ADRA1B: variants seen among roughly 807,000 people sequenced by gnomAD.
The protein encoded by ADRA1B is adrenoceptor alpha 1B.
A neutral mutation model predicts 17.9 loss-of-function variants in ADRA1B; 17 were observed. That is an observed-to-expected ratio of 0.95 (90% CI 0.65 to 1.42). The LOEUF is 1.42. Ranked by LOEUF, ADRA1B falls within the 40% of genes most tolerant of loss-of-function variation. The probability of loss-of-function intolerance (pLI) is 0.00; values close to 1 mark genes in which losing one functional copy is unlikely to be tolerated. For synonymous variants in ADRA1B, 366 were observed against 327.6 expected (o/e 1.12, Z -1.27); for missense variants, 681 against 722.1 (o/e 0.94, Z 0.65).
chr5:159,924,725 T>C (rs940552269), intron 1 of ADRA1B, among the ~76,000 whole-genome samples: 3 of 152,028 alleles, frequency 2.0e-5, no homozygotes, highest in Non-Finnish European at 4.4e-5. Flanking sequence ...TATTAAGATA[T>C]GTTATGCAGG....
intron 1 of ADRA1B, among the ~76,000 whole-genome samples, chr5:159,925,032 G>A (rs1447242730): frequency 2.6e-5 from 4 of 152,204 alleles, no homozygotes; most frequent in African/African-American, 9.7e-5. Context: ...TGAGGAAACA[G>A]AAGCTCAGAG....
At chr5:159,881,769 T>C (rs1753865416) in intron 1 of ADRA1B, among the ~76,000 whole-genome samples, 1 of 152,104 alleles carries the variant, frequency 6.6e-6, no homozygotes, top group Admixed American at 6.6e-5. Flanking sequence ...ATATTATAAA[T>C]AGATCTGAGA....
At chr5:159,964,739 G>C (rs1326129042) in intron 1 of ADRA1B, among the ~76,000 whole-genome samples, 6 of 152,198 alleles carry the variant, frequency 3.9e-5, no homozygotes, top group African/African-American at 7.2e-5. Flanking sequence ...GTATTGGAAA[G>C]AGCAGTAGGG....
At chr5:159,931,289 G>C (rs1754795578) in intron 1 of ADRA1B, among the ~76,000 whole-genome samples, 1 of 151,644 alleles carries the variant, frequency 6.6e-6, no homozygotes, top group East Asian at 1.9e-4. Flanking sequence ...AGCTACTAGG[G>C]AGGCTGAGTG....
chr5:159,972,893 C>T lies in ADRA1B; in HGVS notation c.*401C>T, dbSNP rs1391864325. Among the ~76,000 whole-genome samples the T allele has an allele frequency of 6.6e-6, 1 of 152,218 alleles. No homozygotes were observed. The highest frequency in any genetic ancestry group is 2.4e-5 in the African/African-American group (1 of 41,464). On this transcript the variant is annotated 3_prime_UTR_variant, in exon 2 of 2. Transcript: ENST00000306675. ...CGGCGACTGTGCGCCCAGGAGGCAA[C>T]CGGGGGCGTTGTGTGTGTCGTGACT...
Position 159,932,218 on chromosome 5 carries a change from A to G in ADRA1B, c.949+14364A>G, listed in dbSNP as rs535455528. Among the ~76,000 whole-genome samples, 14 of 152,184 alleles carry G rather than the reference A, an allele frequency of 9.2e-5. No homozygotes were observed. The South Asian group carries it at 2.7e-3, about 29-fold the overall frequency. On this transcript the variant is annotated intron_variant, in intron 1 of 1. Coordinates refer to ENST00000306675, the MANE Select transcript of ADRA1B (RefSeq NM_000679.4). ...ACCCAGGCTGGAGTGCAGTGGCACA[A>G]TCATAGCTCACTGCAGTCTTGAACT...
intron 1 of ADRA1B, among the ~76,000 whole-genome samples, chr5:159,964,527 G>C (rs868203787): frequency 6.6e-6 from 1 of 152,198 alleles, no homozygotes; most frequent in Non-Finnish European, 1.5e-5. Flanking sequence ...AAAGAAAAGC[G>C]CTAAGTAAAT....
chr5:159,923,370 G>T lies in ADRA1B; in HGVS notation c.949+5516G>T, dbSNP rs193079615. 1.3e-4 allele frequency among the ~76,000 whole-genome samples: 20 copies of T among 152,388 alleles called. No homozygotes were observed. In the East Asian group the frequency reaches 3.5e-3, roughly 26 times the overall value. ...GAGACAGGTAGGAGGCTTTGCAGTG[G>T]CAGTGAGAGATGATGATGACCTAGA... On this transcript the variant is annotated intron_variant, in intron 1 of 1. Transcript: ENST00000306675.
Position 159,947,661 on chromosome 5 carries a change from G to C in ADRA1B, c.950-24218G>C, listed in dbSNP as rs1172724219. The C allele has an allele frequency of 6.2e-6, 6 of 966,866 alleles. No homozygotes were observed. The African/African-American group carries it at 1.1e-4, about 17-fold the overall frequency. 59.9% of individuals were successfully genotyped at this position (966,866 alleles called of 1,614,324 possible). A position where few individuals can be genotyped will look rare whatever the true frequency, so the allele number is the denominator to read the frequency against. On this transcript the variant is annotated intron_variant, in intron 1 of 1. Coordinates refer to ENST00000306675, the MANE Select transcript of ADRA1B (RefSeq NM_000679.4). Reference sequence around the variant, plus strand: ...AAAGCTATTCATAAATGAAATGGGGGACCTGGCTATGACTTTGCTTCTTTC... The same window carrying C: ...AAAGCTATTCATAAATGAAATGGGGCACCTGGCTATGACTTTGCTTCTTTC...
intron 1 of ADRA1B, among the ~76,000 whole-genome samples, chr5:159,907,833 ATC>A (rs561447871): frequency 6.6e-6 from 1 of 152,294 alleles, no homozygotes. Context: ...CTAGAATTTT[ATC>A]TGTCTGGATG....
At chr5:159,960,492 G>A (rs1755647525) in intron 1 of ADRA1B, among the ~76,000 whole-genome samples, 1 of 152,198 alleles carries the variant, frequency 6.6e-6, no homozygotes, top group Admixed American at 6.5e-5. Flanking sequence ...GTTCTTAAAA[G>A]TAAAATTGTA....
upstream of ADRA1B, among the ~76,000 whole-genome samples, chr5:159,913,133 C>T (rs1312078672): frequency 1.1e-4 from 17 of 152,120 alleles, 1 homozygote; most frequent in Non-Finnish European, 2.5e-4. Flanking sequence ...CTGGAGGGTT[C>T]GCAGAAATGG....
chr5:159,982,309 G>T, the ADRA1B span, among the ~76,000 whole-genome samples: 1 of 152,156 alleles, frequency 6.6e-6, no homozygotes, highest in African/African-American at 2.4e-5. Context: ...AATATTTGAG[G>T]TCTGGTATCT....
chr5:159,883,080 A>AT (rs1738094796), intron 1 of ADRA1B, among the ~76,000 whole-genome samples: 1 of 152,164 alleles, frequency 6.6e-6, no homozygotes, highest in Non-Finnish European at 1.5e-5. Flanking sequence ...CCAAGCCACC[A>AT]TGTTTACTGT....
intron 1 of ADRA1B, among the ~76,000 whole-genome samples, chr5:159,872,890 G>A (rs1318404268): frequency 1.3e-5 from 2 of 152,066 alleles, no homozygotes; most frequent in Non-Finnish European, 2.9e-5. Context: ...AGCCCCACAT[G>A]CATTAGATAT....
chr5:159,923,506 G>A (rs1012823445), intron 1 of ADRA1B, among the ~76,000 whole-genome samples: 4 of 152,238 alleles, frequency 2.6e-5, no homozygotes, highest in African/African-American at 9.7e-5. Flanking sequence ...AATAACCCTG[G>A]GGTTTCTAAG....
At chr5:159,906,992 C>T (rs1481902115) in intron 1 of ADRA1B, among the ~76,000 whole-genome samples, 1 of 152,226 alleles carries the variant, frequency 6.6e-6, no homozygotes, top group Non-Finnish European at 1.5e-5. Flanking sequence ...GTCCCCCTGC[C>T]TTCCCTGCCC....
At chr5:159,948,222 C>T (rs185393987) in intron 1 of ADRA1B, 1 of 985,448 alleles carries the variant, frequency 1.0e-6, no homozygotes, top group Non-Finnish European at 1.2e-6. Context: ...AGTCCTCCTG[C>T]ATTACAGCAC....
intron 1 of ADRA1B, among the ~76,000 whole-genome samples, chr5:159,924,147 G>A (rs1023147006): frequency 5.3e-5 from 8 of 152,232 alleles, no homozygotes; most frequent in Non-Finnish European, 8.8e-5. Flanking sequence ...GGAAAATGCT[G>A]TGTTCTTTTA....
Sources: allele counts gnomAD v4.1 joint callset (sites outside exome capture counted in the v4.1 genomes callset), GRCh38; gene constraint gnomAD v4.1.1; transcripts MANE v1.5; gene names NCBI Gene and HGNC (gene_info 2026-07-23, HGNC 2026-07-21).